SGPL1: variants seen among roughly 807,000 people sequenced by gnomAD.
SGPL1 encodes SP-lyase 1.
In SGPL1, 37 loss-of-function variants were observed where a neutral mutation model predicts 68.9. That is an observed-to-expected ratio of 0.54 (90% CI 0.41 to 0.71). The LOEUF (loss-of-function observed/expected upper bound fraction) is 0.71. Among genes scored for constraint, SGPL1 ranks in the 30% least tolerant of loss-of-function variants. The pLI is 0.00. For missense variants in SGPL1, 551 were observed against 704.6 expected, an observed-to-expected ratio of 0.78 and a Z score of 2.47; for synonymous variants, 236 against 248.5, an observed-to-expected ratio of 0.95 and a Z score of 0.47.
chr10:70,817,433 A>AT (rs1001610517), intron 2 of SGPL1, among the ~76,000 whole-genome samples: 7 of 152,022 alleles, frequency 4.6e-5, no homozygotes, highest in African/African-American at 1.4e-4. Context: ...AATTATTATT[A>AT]TTTTTTTTAA....
At chr10:70,830,311 T>G (rs1225156004) in intron 2 of SGPL1, among the ~76,000 whole-genome samples, 1 of 152,204 alleles carries the variant, frequency 6.6e-6, no homozygotes, top group Non-Finnish European at 1.5e-5. Flanking sequence ...TACTCAGCAG[T>G]CACTTCCTTA....
chr10:70,851,456 C>A lies in SGPL1; in HGVS notation c.261+246C>A, dbSNP rs987528200. Among the ~76,000 whole-genome samples the A allele has an allele frequency of 7.9e-5, 12 of 151,162 alleles. 1 individual carries two copies. The highest frequency in any genetic ancestry group is 1.3e-4 in the Non-Finnish European group (9 of 67,826). On this transcript the variant is annotated intron_variant, in intron 4 of 14. Transcript: ENST00000373202. ...AACATCCTACAGTGTACAGGGCAGCCCCCCCCCACCCACCAAACACAGAAT... is the reference window on the plus strand; with the variant it reads ...AACATCCTACAGTGTACAGGGCAGCACCCCCCCACCCACCAAACACAGAAT...
At chr10:70,853,312 T>C (rs573038775) in intron 4 of SGPL1, among the ~76,000 whole-genome samples, 2 of 152,334 alleles carry the variant, frequency 1.3e-5, no homozygotes, top group African/African-American at 4.8e-5. Flanking sequence ...TCTTGTATTC[T>C]AATTATCCTT....
chr10:70,870,192 A>T (rs1051398805), intron 9 of SGPL1, among the ~76,000 whole-genome samples: 1 of 151,968 alleles, frequency 6.6e-6, no homozygotes, highest in African/African-American at 2.4e-5. Flanking sequence ...ACATGGACTC[A>T]CTTCCCCTAA....
intron 2 of SGPL1, among the ~76,000 whole-genome samples, chr10:70,830,717 A>T (rs1238583809): frequency 6.6e-6 from 1 of 152,190 alleles, no homozygotes; most frequent in Non-Finnish European, 1.5e-5. Context: ...GGCCTTTAGG[A>T]TGTCCTGAAT....
intron 4 of SGPL1, 105 bp downstream of exon 4, chr10:70,851,315 TCTTAC>T: frequency 2.0e-6 from 2 of 989,342 alleles, no homozygotes; most frequent in Non-Finnish European, 3.2e-6. Context: ...TGATTTTGTC[TCTTAC>T]CTCCAGGGGA....
chr10:70,872,000 G>T lies in SGPL1; in HGVS notation c.1059+14G>T. On this transcript the variant is annotated intron_variant, in intron 11 of 14. Coordinates refer to ENST00000373202, the MANE Select transcript of SGPL1 (RefSeq NM_003901.4). The stretch of plus-strand genomic sequence containing the variant: ...GACACCCATAAGGTGAGCTAAGGAG[G>T]AGATCAAGTGTTACCAGTTGATTAT... 1 of 1,607,900 alleles carries T rather than the reference G, an allele frequency of 6.2e-7. No homozygotes were observed. The highest frequency in any genetic ancestry group is 8.5e-7 in the Non-Finnish European group (1 of 1,177,978).
At chr10:70,849,341 T>C (rs977381850) in intron 3 of SGPL1, among the ~76,000 whole-genome samples, 1 of 152,216 alleles carries the variant, frequency 6.6e-6, no homozygotes, top group Non-Finnish European at 1.5e-5. Flanking sequence ...AAAATATGTT[T>C]AGAAAGAATT....
At chr10:70,823,199 TCAAA>T (rs918178173) in intron 2 of SGPL1, among the ~76,000 whole-genome samples, 4 of 151,374 alleles carry the variant, frequency 2.6e-5, no homozygotes, top group Non-Finnish European at 1.5e-5. Context: ...AGACACAGAC[TCAAA>T]CACACACAGC....
chr10:70,843,239 G>A (rs1275313247), intron 2 of SGPL1, among the ~76,000 whole-genome samples: 1 of 151,178 alleles, frequency 6.6e-6, no homozygotes, highest in Non-Finnish European at 1.5e-5. Flanking sequence ...TTCGTGATTT[G>A]TTTGTATATG....
Position 70,851,214 on chromosome 10 carries a change from A to C in SGPL1, c.261+4A>C. ...GATGCCCATTATTGGTCGTAAGGTA[A>C]GTAGAATCTGTGTATGTCATTTTTT... On this transcript the variant is annotated splice_donor_region_variant and intron_variant, in intron 4 of 14. Transcript: ENST00000373202. 1 of 1,609,458 alleles carries C rather than the reference A, an allele frequency of 6.2e-7. No individual in the cohort carries two copies. The highest frequency in any genetic ancestry group is 8.5e-7 in the Non-Finnish European group (1 of 1,175,832).
intron 5 of SGPL1, among the ~76,000 whole-genome samples, chr10:70,856,459 C>A (rs1399275342): frequency 3.3e-5 from 5 of 152,200 alleles, no homozygotes. Context: ...TTGCCGCCAT[C>A]ATATTGCCTT....
chr10:70,842,083 C>T (rs1277242700), intron 2 of SGPL1, among the ~76,000 whole-genome samples: 8 of 152,036 alleles, frequency 5.3e-5, no homozygotes, highest in South Asian at 4.1e-4. Context: ...AATTTTTCTA[C>T]GTAGTTCATG....
At chr10:70,830,331 C>T (rs1845511783) in intron 2 of SGPL1, among the ~76,000 whole-genome samples, 1 of 152,196 alleles carries the variant, frequency 6.6e-6, no homozygotes, top group African/African-American at 2.4e-5. Flanking sequence ...ATTTCCTTCT[C>T]ACCGGTCCTC....
At chr10:70,870,480 C>T (rs150998158) in intron 9 of SGPL1, among the ~76,000 whole-genome samples, 138 of 147,682 alleles carry the variant, frequency 9.3e-4, no homozygotes, top group African/African-American at 3.2e-3. Flanking sequence ...TGTACTCCAG[C>T]TTGGGTGACA....
intron 7 of SGPL1, among the ~76,000 whole-genome samples, chr10:70,864,726 G>T (rs1354153367): frequency 6.6e-6 from 1 of 152,078 alleles, no homozygotes; most frequent in Non-Finnish European, 1.5e-5. Flanking sequence ...TGTTTGCATA[G>T]TTTCCTTGCC....
rs934715663 is a variant in SGPL1 at position 70,859,572 on chromosome 10, A to G, written c.615+73A>G. On this transcript the variant is annotated intron_variant, in intron 7 of 14. Transcript: ENST00000373202. ...ATAGAAGAGTTTTTAATAAATATTA[A>G]TTATATTTTAAAAAATAAAAAATAT... 13 of 748,560 alleles carry G rather than the reference A, an allele frequency of 1.7e-5. No individual in the cohort carries two copies. The Middle Eastern group carries it at 1.6e-3, about 94-fold the overall frequency. 46.4% of individuals were successfully genotyped at this position (748,560 alleles called of 1,614,324 possible).
At chr10:70,874,441 G>A (rs2131948384) in intron 12 of SGPL1, among the ~76,000 whole-genome samples, 1 of 152,264 alleles carries the variant, frequency 6.6e-6, no homozygotes, top group African/African-American at 2.4e-5. Context: ...AATTAGCCAT[G>A]AGGCCGGGCG....
intron 1 of SGPL1, 80 bp downstream of exon 1, chr10:70,816,206 G>C (rs1845223557): frequency 6.6e-6 from 1 of 150,780 alleles, no homozygotes; most frequent in Non-Finnish European, 1.5e-5. Flanking sequence ...GACAGGGGCC[G>C]GGTGGGCCGA....
Sources: gnomAD v4.1 joint callset for allele counts (sites outside exome capture counted in the v4.1 genomes callset) on GRCh38, gnomAD v4.1.1 for gene constraint, MANE v1.5 for transcripts, NCBI Gene and HGNC (gene_info 2026-07-23, HGNC 2026-07-21) for gene names.